The following PCDH9 variants were observed in gnomAD, a reference collection of about 807,000 sequenced individuals.
PCDH9 encodes protocadherin-9.
A neutral mutation model predicts 70.6 loss-of-function variants in PCDH9; 24 were observed. The ratio of observed to expected loss-of-function variants is 0.34; its 90% CI spans 0.25 to 0.48. The LOEUF is 0.48. Among genes scored for constraint, PCDH9 ranks in the 20% least tolerant of loss-of-function variants. PCDH9 has a pLI of 0.99. For missense variants in PCDH9, 1,281 were observed against 1,503.6 expected (o/e 0.85, Z 2.45); for synonymous variants, 562 against 558.5 (o/e 1.01, Z -0.09).
intron 3 of PCDH9, among the ~76,000 whole-genome samples, chr13:66,801,796 C>T (rs745569359): frequency 2.0e-5 from 3 of 151,936 alleles, no homozygotes; most frequent in Admixed American, 2.0e-4. Context: ...GGAGAGTAAT[C>T]TTGTGGCTTT....
At chr13:66,692,200 C>G (rs2078497653) in intron 3 of PCDH9, among the ~76,000 whole-genome samples, 3 of 152,146 alleles carry the variant, frequency 2.0e-5, no homozygotes, top group African/African-American at 7.2e-5. Flanking sequence ...ATCCATTAAC[C>G]TGGAAGAAAA....
chr13:66,933,918 G>C (rs1475262), intron 2 of PCDH9, among the ~76,000 whole-genome samples: 129,074 of 146,632 alleles, frequency 0.88, 57,486 homozygotes, highest in Middle Eastern at 0.96. Context: ...GGGGGCGGGG[G>C]GGCAAAAAAG....
chr13:66,535,790 A>C (rs1960673213), intron 4 of PCDH9, among the ~76,000 whole-genome samples: 1 of 152,036 alleles, frequency 6.6e-6, no homozygotes, highest in Non-Finnish European at 1.5e-5. Context: ...TCTGGTTGAC[A>C]CTGCTTGGGT....
At chr13:67,153,926 A>G (rs887370002) in intron 2 of PCDH9, among the ~76,000 whole-genome samples, 3 of 152,236 alleles carry the variant, frequency 2.0e-5, no homozygotes, top group Non-Finnish European at 4.4e-5. Flanking sequence ...TTGCGACCTT[A>G]GAATTAAAAA....
At chr13:66,910,564 G>GA (rs995517550) in intron 2 of PCDH9, among the ~76,000 whole-genome samples, 12 of 152,198 alleles carry the variant, frequency 7.9e-5, no homozygotes, top group African/African-American at 2.9e-4. Flanking sequence ...GAGGATTGGG[G>GA]AAAAAATGCT....
At chr13:66,817,865 T>G (rs2080636622) in intron 3 of PCDH9, among the ~76,000 whole-genome samples, 1 of 152,182 alleles carries the variant, frequency 6.6e-6, no homozygotes, top group South Asian at 2.1e-4. Flanking sequence ...TGAGCTCAGA[T>G]GATTTGCTGG....
At chr13:66,399,055 CTAT>C (rs1957147644) in intron 4 of PCDH9, among the ~76,000 whole-genome samples, 1 of 152,014 alleles carries the variant, frequency 6.6e-6, no homozygotes, top group African/African-American at 2.4e-5. Context: ...GGACTGGAAA[CTAT>C]TATTATGCTT....
intron 4 of PCDH9, among the ~76,000 whole-genome samples, chr13:66,455,152 C>T (rs1224656245): frequency 6.6e-6 from 1 of 151,932 alleles, no homozygotes; most frequent in African/African-American, 2.4e-5. Context: ...ATAATTCAAT[C>T]ATAAAACAAT....
chr13:66,706,669 T>A (rs761817416), intron 3 of PCDH9, among the ~76,000 whole-genome samples: 4 of 152,180 alleles, frequency 2.6e-5, no homozygotes, highest in Non-Finnish European at 5.9e-5. Context: ...AAATTGTGAC[T>A]GAGAAGCTAA....
chr13:67,162,729 G>A (rs1053108635), intron 2 of PCDH9, among the ~76,000 whole-genome samples: 1 of 151,838 alleles, frequency 6.6e-6, no homozygotes, highest in African/African-American at 2.4e-5. Flanking sequence ...AGAGAAAAAG[G>A]AAAACAGATC....
At chr13:66,966,891 A>G (rs1442455947) in intron 2 of PCDH9, among the ~76,000 whole-genome samples, 1 of 152,136 alleles carries the variant, frequency 6.6e-6, no homozygotes, top group Non-Finnish European at 1.5e-5. Flanking sequence ...GTAACTTTGA[A>G]TCAGGATATG....
chr13:66,322,488 C>A (rs1168039297), intron 4 of PCDH9, among the ~76,000 whole-genome samples: 1 of 151,986 alleles, frequency 6.6e-6, no homozygotes, highest in East Asian at 1.9e-4. Flanking sequence ...GGTAAGCTGG[C>A]AATATATGCC....
chr13:66,738,261 A>T (rs892372076), intron 3 of PCDH9, among the ~76,000 whole-genome samples: 1 of 151,098 alleles, frequency 6.6e-6, no homozygotes, highest in Non-Finnish European at 1.5e-5. Context: ...GGGTATTCCA[A>T]CAGACCTGCA....
chr13:66,941,422 T>A, intron 2 of PCDH9, among the ~76,000 whole-genome samples: 1 of 151,916 alleles, frequency 6.6e-6, no homozygotes, highest in East Asian at 1.9e-4. Flanking sequence ...ATAACATTTA[T>A]GTAAATGGTC....
intron 2 of PCDH9, among the ~76,000 whole-genome samples, chr13:67,023,815 G>A (rs2084726736): frequency 6.6e-6 from 1 of 152,028 alleles, no homozygotes; most frequent in Admixed American, 6.6e-5. Context: ...AAAGTAAGTT[G>A]AACTGAAAAG....
intron 4 of PCDH9, among the ~76,000 whole-genome samples, chr13:66,376,867 A>G (rs1470056775): frequency 6.6e-6 from 1 of 152,222 alleles, no homozygotes; most frequent in Non-Finnish European, 1.5e-5. Flanking sequence ...TACATGTTTA[A>G]ATTGAAATGT....
intron 4 of PCDH9, among the ~76,000 whole-genome samples, chr13:66,575,104 C>T (rs1441437629): frequency 6.8e-6 from 1 of 147,620 alleles, no homozygotes; most frequent in Non-Finnish European, 1.5e-5. Flanking sequence ...ACCTGGGAAG[C>T]AGAGGTTGTG....
chr13:66,961,527 C>G (rs12864857), intron 2 of PCDH9, among the ~76,000 whole-genome samples: 1,604 of 152,172 alleles, frequency 0.011, 17 homozygotes, highest in Non-Finnish European at 0.017. Context: ...GGTATGGTGG[C>G]TCAGGTCTAT....
At chr13:66,629,056 A>G (rs935579077) in intron 4 of PCDH9, among the ~76,000 whole-genome samples, 3 of 152,200 alleles carry the variant, frequency 2.0e-5, no homozygotes, top group African/African-American at 7.2e-5. Context: ...AATTTACTGT[A>G]CCCAGAATTT....
Sources: gnomAD v4.1 joint callset for allele counts (sites outside exome capture counted in the v4.1 genomes callset) on GRCh38, gnomAD v4.1.1 for gene constraint, MANE v1.5 for transcripts, NCBI Gene and HGNC (gene_info 2026-07-23, HGNC 2026-07-21) for gene names.